The following EFTUD2 variants were observed in gnomAD, a reference collection of about 807,000 sequenced individuals.
EFTUD2 encodes 116 kDa U5 small nuclear ribonucleoprotein component.
EFTUD2 carries 9 observed loss-of-function variants against 114.3 expected under a neutral mutation model. The observed-to-expected ratio is 0.08, with a 90% CI of 0.05 to 0.14. EFTUD2 has a LOEUF of 0.14. EFTUD2 is among the 10% of genes least tolerant of loss of function. The probability of loss-of-function intolerance (pLI) is 1.00; values close to 1 mark genes in which losing one functional copy is unlikely to be tolerated. For synonymous variants in EFTUD2, 449 were observed against 462.3 expected, an observed-to-expected ratio of 0.97 and a Z score of 0.37; for missense variants, 765 against 1,241.2, an observed-to-expected ratio of 0.62 and a Z score of 5.76.
In EFTUD2 at chr17:44,867,845, C is replaced by G. The variant is rs1310839656; in HGVS notation, c.1111G>C (p.Glu371Gln). ...TTATAAAGAGGCTCCAAGATAAACTCCACGAAACTTCTCTGGGAGCTGCTA... is the reference window on the plus strand; with the variant it reads ...TTATAAAGAGGCTCCAAGATAAACTGCACGAAACTTCTCTGGGAGCTGCTA... ...PTSSSQRSFV[E>Q]FILEPLYKIL... The change falls in exon 13 of 28, where the codon GAG becomes CAG. Residue 371 changes from glutamate to glutamine, a missense_variant. Physicochemically the swap from Glu to Gln is conservative, Grantham distance 29. Coordinates refer to ENST00000426333, the MANE Select transcript of EFTUD2 (RefSeq NM_004247.4). 1 of 1,606,292 alleles carries G rather than the reference C, an allele frequency of 6.2e-7. No homozygotes were observed. Among genetic ancestry groups the G allele is most frequent in the East Asian group, 2.2e-5 (1 of 44,722 alleles).
At chr17:44,856,130 CAA>C (rs1045415785) in intron 20 of EFTUD2, among the ~76,000 whole-genome samples, 99 of 37,368 alleles carry the variant, frequency 2.6e-3, no homozygotes, top group African/African-American at 1.0e-2. Flanking sequence ...GACCCTGTCT[CAA>C]AAAAAAAAAA....
At chr17:44,875,847 AAAT>A in intron 10 of EFTUD2, 84 bp downstream of exon 10, 1 of 1,517,446 alleles carries the variant, frequency 6.6e-7, no homozygotes, top group Non-Finnish European at 9.0e-7. Flanking sequence ...ACACGCTTAG[AAAT>A]AAATCACAGT....
chr17:44,883,473 G>C, intron 5 of EFTUD2, 176 bp downstream of exon 5: 1 of 658,002 alleles, frequency 1.5e-6, no homozygotes, highest in Non-Finnish European at 2.7e-6. Flanking sequence ...GGCTCCACCT[G>C]CTGCTTGGGA....
rs1308463359 is a variant in EFTUD2 at position 44,881,678 on chromosome 17, C to T, written c.528+9G>A. ...TAGGTGACAATCAGATTCCCCAAGGCATGCTTACCTCTTGCTCTGTGAAGA... is the reference window on the plus strand; with the variant it reads ...TAGGTGACAATCAGATTCCCCAAGGTATGCTTACCTCTTGCTCTGTGAAGA... On this transcript the variant is annotated intron_variant, in intron 7 of 27. Coordinates refer to ENST00000426333, the MANE Select transcript of EFTUD2 (RefSeq NM_004247.4). The T allele has an allele frequency of 6.2e-7, 1 of 1,614,148 alleles. No homozygotes were observed. The highest frequency in any genetic ancestry group is 8.5e-7 in the Non-Finnish European group (1 of 1,179,992).
In EFTUD2 at chr17:44,857,065, C is replaced by T; in HGVS notation, c.2045+10G>A. The T allele has an allele frequency of 6.2e-7, 1 of 1,612,636 alleles. No individual in the cohort carries two copies. The highest frequency in any genetic ancestry group is 8.5e-7 in the Non-Finnish European group (1 of 1,178,738). ...GCTGCAGTCCCAGGGACACTGTGCT[C>T]CCAGCTTACTTCTTATTAGGCGTTT... On this transcript the variant is annotated intron_variant, in intron 20 of 27. Coordinates refer to ENST00000426333, the MANE Select transcript of EFTUD2 (RefSeq NM_004247.4).
intron 7 of EFTUD2, 75 bp downstream of exon 7, chr17:44,881,612 C>A (rs2051074217): frequency 1.3e-6 from 2 of 1,505,406 alleles, no homozygotes; most frequent in African/African-American, 2.8e-5. Flanking sequence ...CATAAAGGCT[C>A]CTCTACATTC....
At chr17:44,883,215 C>G in intron 5 of EFTUD2, 57 bp from the exon 6 acceptor site, 1 of 1,525,350 alleles carries the variant, frequency 6.6e-7, no homozygotes, top group Non-Finnish European at 9.1e-7. Context: ...TTACTGTGCC[C>G]TTCCCCCAGC....
At chr17:44,874,035 CTTTTTTT>C (rs35563732) in intron 10 of EFTUD2, among the ~76,000 whole-genome samples, 1 of 115,486 alleles carries the variant, frequency 8.7e-6, no homozygotes, top group Non-Finnish European at 1.7e-5. Context: ...TGCCCGGCCT[CTTTTTTT>C]TTTTTTTTTT....
chr17:44,861,432 GAAA>G (rs35487111), intron 16 of EFTUD2, among the ~76,000 whole-genome samples: 66 of 100,182 alleles, frequency 6.6e-4, no homozygotes, highest in Non-Finnish European at 9.6e-4. Flanking sequence ...CTGACAGAGA[GAAA>G]AAAAAAAAAA....
At chr17:44,868,433 G>T in intron 11 of EFTUD2, 83 bp from the exon 12 acceptor site, 1 of 1,361,354 alleles carries the variant, frequency 7.3e-7, no homozygotes, top group Non-Finnish European at 1.0e-6. Context: ...GTGGTTCATA[G>T]CTGAGAACTT....
In EFTUD2 at chr17:44,879,771, C is replaced by T. The variant is rs2289676; in HGVS notation, c.620-133G>A. ...CCCTTTCCTCCTCGCCATAACCCCC[C>T]ACAGGGTAAAAATATCCCCCATTAG... is the stretch of plus-strand genomic sequence containing the variant. On this transcript the variant is annotated intron_variant, in intron 8 of 27. Coordinates refer to ENST00000426333, the MANE Select transcript of EFTUD2 (RefSeq NM_004247.4). 505,267 of 796,066 alleles carry T rather than the reference C, an allele frequency of 0.63. 163,660 individuals carry two copies. The highest frequency in any genetic ancestry group is 0.85 in the African/African-American group (49,831 of 58,608). The allele number at this position is 796,066 out of a possible 1,614,324, so 49.3% of individuals were successfully genotyped here. A position where few individuals can be genotyped will look rare whatever the true frequency, so the allele number is the denominator to read the frequency against.
chr17:44,862,585 G>A, intron 16 of EFTUD2, 128 bp downstream of exon 16: 2 of 850,066 alleles, frequency 2.4e-6, no homozygotes, highest in Non-Finnish European at 3.5e-6. Context: ...TGCGGAGGGA[G>A]AGCCACTTTA....
Position 44,878,392 on chromosome 17 carries a change from T to C in EFTUD2, c.702+1164A>G, listed in dbSNP as rs752204150. 4.6e-5 allele frequency among the ~76,000 whole-genome samples: 7 copies of C among 152,158 alleles called. No individual in the cohort carries two copies. In the East Asian group the frequency reaches 1.3e-3, roughly 29 times the overall value. On this transcript the variant is annotated intron_variant, in intron 9 of 27. Transcript: ENST00000426333. Reference sequence around the variant, plus strand: ...AATGTCATAAAAGACCAAGAGAGGCTAAAGAACAGCTTCAATTCAGAGAGA... The same window carrying C: ...AATGTCATAAAAGACCAAGAGAGGCCAAAGAACAGCTTCAATTCAGAGAGA...
chr17:44,896,967 A>G lies in EFTUD2; in HGVS notation c.-5+2402T>C, dbSNP rs112439286. Among the ~76,000 whole-genome samples, 439 of 152,302 alleles carry G rather than the reference A, an allele frequency of 2.9e-3. 3 individuals are homozygous for G. Among genetic ancestry groups the G allele is most frequent in the African/African-American group, 9.9e-3 (412 of 41,566 alleles). On this transcript the variant is annotated intron_variant, in intron 1 of 27. Coordinates refer to ENST00000426333, the MANE Select transcript of EFTUD2 (RefSeq NM_004247.4). ...TGCAGTGGCTCACGCCTGTAATCCC[A>G]GCACTTTGGGAGGCTGAGGTGGGTG...
intron 11 of EFTUD2, among the ~76,000 whole-genome samples, chr17:44,870,972 C>T (rs563990152): frequency 1.3e-5 from 2 of 151,968 alleles, no homozygotes; most frequent in African/African-American, 4.8e-5. Flanking sequence ...GAGCCGAGAT[C>T]GTGCCATTAC....
intron 9 of EFTUD2, 83 bp from the exon 10 acceptor site, chr17:44,876,183 C>T (rs1301162251): frequency 6.7e-7 from 1 of 1,484,264 alleles, no homozygotes; most frequent in South Asian, 1.3e-5. Flanking sequence ...GGCACTATTT[C>T]AAACCATGAA....
At chr17:44,857,291 A>G (rs2050574239) in intron 19 of EFTUD2, 134 bp from the exon 20 acceptor site, 1 of 702,168 alleles carries the variant, frequency 1.4e-6, no homozygotes. Context: ...AGCACAAGTG[A>G]TAAGTACAAC....
At chr17:44,873,451 G>A (rs1488059035) in intron 10 of EFTUD2, among the ~76,000 whole-genome samples, 2 of 152,016 alleles carry the variant, frequency 1.3e-5, no homozygotes, top group African/African-American at 4.8e-5. Flanking sequence ...GATCTCTCAA[G>A]CTCACGCAAT....
chr17:44,856,758 C>CAAA lies in EFTUD2; in HGVS notation c.2045+314_2045+316dup, dbSNP rs551023404. 3.6e-3 allele frequency among the ~76,000 whole-genome samples: 453 copies of CAAA among 124,810 alleles called. 3 individuals are homozygous for CAAA. Among genetic ancestry groups the CAAA allele is most frequent in the Middle Eastern group, 0.018 (4 of 218 alleles). The allele number at this position is 124,810 out of a possible 152,430, so 81.9% of individuals were successfully genotyped here. On this transcript the variant is annotated intron_variant, in intron 20 of 27. Transcript: ENST00000426333. ...GTTGAGGCTGCACTCCAGCCTGTGT[C>CAAA]AAAAAAAAAAAAAACAAAAAAACAA...
Sources: gnomAD v4.1 joint callset for allele counts (sites outside exome capture counted in the v4.1 genomes callset) on GRCh38, gnomAD v4.1.1 for gene constraint, MANE v1.5 for transcripts, NCBI Gene and HGNC (gene_info 2026-07-23, HGNC 2026-07-21) for gene names.